The following GTF3C5 variants were observed in gnomAD, a reference collection of about 807,000 sequenced individuals.
GTF3C5 encodes the protein general transcription factor IIIC subunit 5.
Under a neutral mutation model 61.0 loss-of-function variants are expected in GTF3C5, and 47 were observed. The ratio of observed to expected loss-of-function variants is 0.77; its 90% CI spans 0.61 to 0.98. GTF3C5 has a LOEUF of 0.98. Ranked by LOEUF, GTF3C5 falls within the 50% of genes least tolerant of loss-of-function variation. The probability of loss-of-function intolerance (pLI) is 0.00; values close to 1 mark genes in which losing one functional copy is unlikely to be tolerated. For synonymous variants in GTF3C5, 295 were observed against 275.4 expected (o/e 1.07, Z -0.71); for missense variants, 659 against 703.3 (o/e 0.94, Z 0.71).
chr9:133,034,051 C>T (rs1336569198), intron 1 of GTF3C5, among the ~76,000 whole-genome samples: 4 of 152,150 alleles, frequency 2.6e-5, no homozygotes, highest in Non-Finnish European at 5.9e-5. Context: ...CGTCCTGTAA[C>T]ATCTGCTCCT....
upstream of GTF3C5, chr9:133,030,940 G>A (rs1398175003): frequency 2.6e-6 from 4 of 1,535,862 alleles, no homozygotes; most frequent in Non-Finnish European, 3.6e-6. Context: ...TTCCTTCGCG[G>A]AACAATTGAG....
At chr9:133,055,983 T>A in intron 8 of GTF3C5, 29 bp from the exon 9 acceptor site, 1 of 1,613,860 alleles carries the variant, frequency 6.2e-7, no homozygotes, top group Non-Finnish European at 8.5e-7. Flanking sequence ...TGGCTCACCT[T>A]CCCTGTCTCT....
Position 133,043,870 on chromosome 9 carries a change from C to A in GTF3C5, c.516C>A (p.Ile172=), listed in dbSNP as rs2118998247. ...TGCCGCTCTACATCCCCCCACCCAT[C>A]TTCTCCCGGCTGGACGCCCCGGTGG... ...QELPLYIPPP[I]FSRLDAPVDY... is the part of the protein sequence containing the mutation. The change falls in exon 3 of 11, where the codon ATC becomes ATA. Residue 172 remains isoleucine (I), a synonymous_variant. Coordinates refer to ENST00000372097, the MANE Select transcript of GTF3C5 (RefSeq NM_012087.4). 2 of 1,614,160 alleles carry A rather than the reference C, an allele frequency of 1.2e-6. No individual in the cohort carries two copies. The highest frequency in any genetic ancestry group is 8.5e-7 in the Non-Finnish European group (1 of 1,179,984).
chr9:133,032,092 A>G (rs1044789586), intron 1 of GTF3C5, among the ~76,000 whole-genome samples: 14 of 152,054 alleles, frequency 9.2e-5, no homozygotes, highest in Non-Finnish European at 1.5e-4. Context: ...ATTTAAAGGA[A>G]GGTAAAAGGC....
At chr9:133,053,471 G>A (rs1312012120) in intron 5 of GTF3C5, among the ~76,000 whole-genome samples, 1 of 152,174 alleles carries the variant, frequency 6.6e-6, no homozygotes, top group Non-Finnish European at 1.5e-5. Flanking sequence ...TGTAGTTCCA[G>A]CTACTTGGGA....
chr9:133,050,688 C>A, intron 3 of GTF3C5, 95 bp from the exon 4 acceptor site: 1 of 852,182 alleles, frequency 1.2e-6, no homozygotes, highest in Non-Finnish European at 1.9e-6. Context: ...TGGCTGTGGG[C>A]CTTGGGGGGT....
chr9:133,042,283 T>C lies in GTF3C5; in HGVS notation c.350T>C (p.Ile117Thr), dbSNP rs760092609. Reference sequence around the variant, plus strand: ...TTTGACATGGAGATCCTTGGCATCATCTCCACCATTTACAAATTTCAGGGT... The same window carrying C: ...TTTGACATGGAGATCCTTGGCATCACCTCCACCATTTACAAATTTCAGGGT... ...VTFDMEILGI[I>T]STIYKFQGMS... is the part of the protein sequence containing the mutation. Residue 117 changes from isoleucine (I) to threonine (T), a missense_variant, in exon 2 of 11, where the codon ATC becomes ACC. Coordinates refer to ENST00000372097, the MANE Select transcript of GTF3C5 (RefSeq NM_012087.4). 1 of 1,608,174 alleles carries C rather than the reference T, an allele frequency of 6.2e-7. No individual in the cohort carries two copies. Among genetic ancestry groups the C allele is most frequent in the Non-Finnish European group, 8.5e-7 (1 of 1,174,452 alleles).
intron 10 of GTF3C5, 97 bp downstream of exon 10, chr9:133,057,005 C>A: frequency 8.1e-7 from 1 of 1,227,406 alleles, no homozygotes. Context: ...GAAATGGCAC[C>A]CAGGTGGCAT....
chr9:133,044,814 A>G (rs527525400), intron 3 of GTF3C5, among the ~76,000 whole-genome samples: 130 of 151,516 alleles, frequency 8.6e-4, no homozygotes, highest in African/African-American at 2.8e-3. Flanking sequence ...ACAGGCGCTC[A>G]CTCTCTCTCA....
At chr9:133,045,288 C>G (rs1184189790) in intron 3 of GTF3C5, among the ~76,000 whole-genome samples, 1 of 152,190 alleles carries the variant, frequency 6.6e-6, no homozygotes, top group East Asian at 1.9e-4. Flanking sequence ...CCCCATCGTA[C>G]ACATGAGGAA....
Position 133,042,292 on chromosome 9 carries a change from T to A in GTF3C5, c.359T>A (p.Ile120Asn), listed in dbSNP as rs755915813. Residue 120 changes from isoleucine (I) to asparagine (N), a missense_variant, in exon 2 of 11, where the codon ATT becomes AAT. Ile to Asn is a moderately radical substitution (Grantham distance 149). Coordinates refer to ENST00000372097, the MANE Select transcript of GTF3C5 (RefSeq NM_012087.4). ...GAGATCCTTGGCATCATCTCCACCA[T>A]TTACAAATTTCAGGGTAACTGAAAT... ...DMEILGIIST[I>N]YKFQGMSDFQ... The A allele has an allele frequency of 1.0e-5, 16 of 1,604,268 alleles. No individual in the cohort carries two copies. In the East Asian group the frequency reaches 3.6e-4, roughly 36 times the overall value.
intron 1 of GTF3C5, among the ~76,000 whole-genome samples, chr9:133,037,350 A>C (rs1250950199): frequency 2.0e-5 from 3 of 152,204 alleles, no homozygotes; most frequent in Non-Finnish European, 4.4e-5. Context: ...AGTATGACCC[A>C]TCTGACTTTC....
chr9:133,047,544 G>A (rs932660391), intron 3 of GTF3C5, among the ~76,000 whole-genome samples: 10 of 150,258 alleles, frequency 6.7e-5, no homozygotes, highest in South Asian at 4.2e-4. Flanking sequence ...TTTTGGAGAC[G>A]GAATTTCCCT....
intron 3 of GTF3C5, among the ~76,000 whole-genome samples, chr9:133,047,295 C>T (rs979460710): frequency 6.6e-6 from 1 of 152,136 alleles, no homozygotes; most frequent in African/African-American, 2.4e-5. Flanking sequence ...TGGTTGCTGT[C>T]CCCTAGTCTG....
At chr9:133,044,145 CCA>C (rs1564198612) in intron 3 of GTF3C5, 161 of 140,750 alleles carry the variant, frequency 1.1e-3, no homozygotes, top group South Asian at 7.0e-3. Flanking sequence ...ACTTTGTCTC[CCA>C]AAAAAAAAAA....
At chr9:133,050,009 A>G (rs574423858) in intron 3 of GTF3C5, among the ~76,000 whole-genome samples, 27 of 152,302 alleles carry the variant, frequency 1.8e-4, no homozygotes, top group African/African-American at 6.3e-4. Context: ...GGACAAATGG[A>G]ACCCTTGGCT....
Position 133,056,753 on chromosome 9 carries a change from TCCCCA to T in GTF3C5, c.1251-8_1251-4del. On this transcript the variant is annotated splice_polypyrimidine_tract_variant and splice_region_variant and intron_variant, in intron 9 of 10. Coordinates refer to ENST00000372097, the MANE Select transcript of GTF3C5 (RefSeq NM_012087.4). ...CCTGGGACTTTATGTCCCAACCCTCTCCCCACCCCCAGGTTGCAGAAGATCATTCA... is the reference window on the plus strand; with the variant it reads ...CCTGGGACTTTATGTCCCAACCCTCTCCCCCAGGTTGCAGAAGATCATTCA... 6.3e-7 allele frequency: 1 copy of T among 1,585,856 alleles called. No individual in the cohort carries two copies. Among genetic ancestry groups the T allele is most frequent in the Non-Finnish European group, 8.6e-7 (1 of 1,165,302 alleles).
Position 133,053,918 on chromosome 9 carries a change from C to T in GTF3C5, c.964C>T (p.Arg322Ter), listed in dbSNP as rs764685789. ...DAKIYQVLDF[R>*]IRCGMKHGYA... ...CAAGATTTATCAAGTCCTCGATTTC[C>T]GAATCCGTTGTGGAATGAAACACGG... The change falls in exon 6 of 11, where the codon CGA becomes TGA. Residue 322 changes from arginine to a stop codon, truncating the protein, a stop_gained. Coordinates refer to ENST00000372097, the MANE Select transcript of GTF3C5 (RefSeq NM_012087.4). LOFTEE classifies it high-confidence loss of function. 4 of 1,611,416 alleles carry T rather than the reference C, an allele frequency of 2.5e-6. No individual in the cohort carries two copies. Among genetic ancestry groups the T allele is most frequent in the East Asian group, 2.2e-5 (1 of 44,846 alleles).
At chr9:133,055,174 C>T in intron 8 of GTF3C5, 3 of 1,538,868 alleles carry the variant, frequency 1.9e-6, no homozygotes, top group Non-Finnish European at 2.6e-6. Flanking sequence ...CCAGAGCAGG[C>T]CATGTGGGCT....
Sources: allele counts gnomAD v4.1 joint callset (sites outside exome capture counted in the v4.1 genomes callset), GRCh38; gene constraint gnomAD v4.1.1; transcripts MANE v1.5; gene names NCBI Gene and HGNC (gene_info 2026-07-23, HGNC 2026-07-21).